CLMN: variants seen among roughly 807,000 people sequenced by gnomAD.
The protein encoded by CLMN is calmin (calponin-like, transmembrane).
Under a neutral mutation model 92.7 loss-of-function variants are expected in CLMN, and 57 were observed. The observed-to-expected ratio is 0.61, with a 90% CI of 0.50 to 0.77. CLMN has a LOEUF of 0.77. Among genes scored for constraint, CLMN ranks in the 30% least tolerant of loss-of-function variants. CLMN has a pLI of 0.00. For synonymous variants in CLMN, 466 were observed against 470.6 expected, an observed-to-expected ratio of 0.99 and a Z score of 0.13; for missense variants, 1,158 against 1,237.5, an observed-to-expected ratio of 0.94 and a Z score of 0.96.
At chr14:95,283,238 T>C (rs914236351) in intron 1 of CLMN, among the ~76,000 whole-genome samples, 1 of 152,210 alleles carries the variant, frequency 6.6e-6, no homozygotes, top group Non-Finnish European at 1.5e-5. Flanking sequence ...TTTGCTTCTT[T>C]CTCATTTTCT....
At chr14:95,278,150 C>T (rs1172923644) in intron 1 of CLMN, among the ~76,000 whole-genome samples, 1 of 152,170 alleles carries the variant, frequency 6.6e-6, no homozygotes, top group Non-Finnish European at 1.5e-5. Context: ...GTACCTCATA[C>T]ACCCATAGTT....
At chr14:95,248,494 T>C (rs954049715) in intron 1 of CLMN, among the ~76,000 whole-genome samples, 2 of 152,144 alleles carry the variant, frequency 1.3e-5, no homozygotes, top group African/African-American at 2.4e-5. Context: ...CCCTAACCAT[T>C]ACACAGTACT....
intron 1 of CLMN, among the ~76,000 whole-genome samples, chr14:95,312,585 T>C (rs760611548): frequency 1.1e-4 from 17 of 152,314 alleles, no homozygotes; most frequent in Non-Finnish European, 1.5e-4. Context: ...ACCCATTTCC[T>C]ACTCCGTAGG....
chr14:95,250,514 C>T (rs1381320727), intron 1 of CLMN, among the ~76,000 whole-genome samples: 10 of 152,198 alleles, frequency 6.6e-5, no homozygotes, highest in African/African-American at 1.9e-4. Context: ...TAAGATGGCT[C>T]GGCAGACAAA....
chr14:95,252,500 C>G (rs564094741), intron 1 of CLMN, among the ~76,000 whole-genome samples: 1 of 152,196 alleles, frequency 6.6e-6, no homozygotes, highest in Admixed American at 6.5e-5. Flanking sequence ...TTACGAGTAG[C>G]TGAGAGACAT....
intron 1 of CLMN, among the ~76,000 whole-genome samples, chr14:95,286,133 TA>T (rs1900332729): frequency 6.6e-6 from 1 of 152,220 alleles, no homozygotes. Context: ...GTGATCATGG[TA>T]ATGTGGTTAT....
chr14:95,221,825 T>C (rs1897552607), intron 3 of CLMN, 51 bp from the exon 4 acceptor site: 1 of 1,535,274 alleles, frequency 6.5e-7, no homozygotes, highest in Non-Finnish European at 9.0e-7. Flanking sequence ...CACAGGCACT[T>C]CCCAACACCC....
chr14:95,190,295 C>T lies in CLMN; in HGVS notation c.*1269G>A, dbSNP rs1896530346. 1 of 152,260 alleles carries T rather than the reference C, an allele frequency of 6.6e-6. No individual in the cohort carries two copies. Among genetic ancestry groups the T allele is most frequent in the Admixed American group, 6.5e-5 (1 of 15,286 alleles). 9.4% of individuals were successfully genotyped at this position (152,260 alleles called of 1,614,324 possible). A position where few individuals can be genotyped will look rare whatever the true frequency, so the allele number is the denominator to read the frequency against. On this transcript the variant is annotated 3_prime_UTR_variant, in exon 13 of 13. Coordinates refer to ENST00000298912, the MANE Select transcript of CLMN (RefSeq NM_024734.4). ...CAGCTCTGGACAGGGCATCAGGTGC[C>T]TGTGTGCTCACTGCAAGTCTGCCCC...
chr14:95,249,282 T>A (rs1323690394), intron 1 of CLMN, among the ~76,000 whole-genome samples: 1 of 152,234 alleles, frequency 6.6e-6, no homozygotes, highest in Non-Finnish European at 1.5e-5. Flanking sequence ...TTCCTCTTCA[T>A]CACTGCATGT....
intron 1 of CLMN, among the ~76,000 whole-genome samples, chr14:95,276,508 G>A (rs1235382089): frequency 6.6e-6 from 1 of 152,182 alleles, no homozygotes; most frequent in African/African-American, 2.4e-5. Context: ...AGGGACTGAC[G>A]AGTGGCTGGC....
intron 1 of CLMN, among the ~76,000 whole-genome samples, chr14:95,250,061 C>G (rs1289024826): frequency 4.6e-5 from 7 of 152,136 alleles, no homozygotes; most frequent in Admixed American, 3.3e-4. Context: ...AACAAAGGTG[C>G]GAAGCTGGAT....
rs1376952294 is a variant in CLMN, at chr14:95,203,921, C to T, written c.1428G>A (p.Gln476=). ...VEVAEEKEQK[Q]ESSKIPESSS... ...AGGATTCTGGAATCTTCGAGGATTC[C>T]TGTTTCTGTTCCTTTTCCTCAGCAA... Residue 476 remains glutamine, a synonymous_variant, in exon 9 of 13, where the codon CAG becomes CAA. Coordinates refer to ENST00000298912, the MANE Select transcript of CLMN (RefSeq NM_024734.4). 2 of 1,614,200 alleles carry T rather than the reference C, an allele frequency of 1.2e-6. No homozygotes were observed. Among genetic ancestry groups the T allele is most frequent in the Non-Finnish European group, 1.7e-6 (2 of 1,180,046 alleles).
intron 4 of CLMN, among the ~76,000 whole-genome samples, chr14:95,217,091 G>A (rs1897374629): frequency 6.6e-6 from 1 of 152,154 alleles, no homozygotes; most frequent in African/African-American, 2.4e-5. Flanking sequence ...CCACACTGGT[G>A]TCTGCCACAC....
intron 1 of CLMN, among the ~76,000 whole-genome samples, chr14:95,235,372 A>C (rs1219107537): frequency 1.3e-5 from 2 of 152,214 alleles, no homozygotes; most frequent in East Asian, 1.9e-4. Flanking sequence ...CTTAAATCTT[A>C]GCCAGAGGAG....
At chr14:95,205,370 T>C (rs1471588062) in intron 8 of CLMN, among the ~76,000 whole-genome samples, 1 of 152,112 alleles carries the variant, frequency 6.6e-6, no homozygotes, top group Non-Finnish European at 1.5e-5. Context: ...TAGACCCATA[T>C]AGGACCCGGA....
chr14:95,231,285 C>T (rs1897880137), intron 1 of CLMN, among the ~76,000 whole-genome samples: 1 of 151,620 alleles, frequency 6.6e-6, no homozygotes, highest in Non-Finnish European at 1.5e-5. Context: ...CAAGCTCCGC[C>T]TCCCGGGTTC....
chr14:95,268,223 C>T (rs771697366), intron 1 of CLMN, among the ~76,000 whole-genome samples: 41 of 151,990 alleles, frequency 2.7e-4, no homozygotes, highest in Non-Finnish European at 2.1e-4. Flanking sequence ...CCAATTGCCC[C>T]GGTTTGATCA....
chr14:95,313,779 G>A (rs1901644196), intron 1 of CLMN, among the ~76,000 whole-genome samples: 1 of 152,262 alleles, frequency 6.6e-6, no homozygotes, highest in East Asian at 1.9e-4. Flanking sequence ...ACATAGGGCA[G>A]ATGTGATCTA....
intron 1 of CLMN, among the ~76,000 whole-genome samples, chr14:95,267,161 A>C (rs8016007): frequency 0.33 from 49,893 of 152,028 alleles, 9,358 homozygotes; most frequent in African/African-American, 0.52. Flanking sequence ...GGAACAAAAG[A>C]AAAAATAGAC....
Sources: gnomAD v4.1 joint callset for allele counts (sites outside exome capture counted in the v4.1 genomes callset) on GRCh38, gnomAD v4.1.1 for gene constraint, MANE v1.5 for transcripts, NCBI Gene and HGNC (gene_info 2026-07-23, HGNC 2026-07-21) for gene names.